Variants in ADAMTS6 observed in about 807,000 individuals in gnomAD.
ADAMTS6 encodes ADAM metallopeptidase with thrombospondin type 1 motif 6, also known as A disintegrin and metalloproteinase with thrombospondin motifs 6.
ADAMTS6 carries 23 observed loss-of-function variants against 144.3 expected under a neutral mutation model. The observed-to-expected ratio is 0.16, with a 90% CI of 0.11 to 0.23. ADAMTS6 has a LOEUF of 0.23. Among genes scored for constraint, ADAMTS6 ranks in the 10% least tolerant of loss-of-function variants. The pLI, the probability that ADAMTS6 is intolerant of heterozygous loss-of-function variation, is 1.00. For synonymous variants in ADAMTS6, 444 were observed against 457.5 expected (o/e 0.97, Z 0.38); for missense variants, 999 against 1,379.6 (o/e 0.72, Z 4.37).
In ADAMTS6 at chr5:65,475,700, A is replaced by G. The variant is rs189035055; in HGVS notation, c.-279-1748T>C. Among the ~76,000 whole-genome samples, 646 of 152,348 alleles carry G rather than the reference A, an allele frequency of 4.2e-3. 1 individual carries two copies. The highest frequency in any genetic ancestry group is 7.1e-3 in the Non-Finnish European group (481 of 68,028). ...TACAAATAGAAGAAATGCATTCCACAAAGTCTAGATAACCAGAAAAAAATG... is the reference window on the plus strand; with the variant it reads ...TACAAATAGAAGAAATGCATTCCACGAAGTCTAGATAACCAGAAAAAAATG... On this transcript the variant is annotated intron_variant, in intron 1 of 24. Transcript: ENST00000381055.
chr5:65,158,937 T>G (rs1752587674), intron 24 of ADAMTS6, among the ~76,000 whole-genome samples: 1 of 152,170 alleles, frequency 6.6e-6, no homozygotes. Flanking sequence ...TTTATTTTAT[T>G]TTTTAATCTT....
At chr5:65,180,701 A>AT (rs966248203) in intron 22 of ADAMTS6, among the ~76,000 whole-genome samples, 20 of 139,964 alleles carry the variant, frequency 1.4e-4, no homozygotes, top group African/African-American at 5.2e-4. Context: ...CTGCATTTTG[A>AT]TTTAAAAAAA....
Position 65,193,201 on chromosome 5 carries a change from G to T in ADAMTS6, c.2705+3821C>A, listed in dbSNP as rs566767090. ...TGTACCAATGAAGAAATAAAGGTTT[G>T]ACAGCTTTCTTAAATAAGATTTTCT... On this transcript the variant is annotated intron_variant, in intron 21 of 24. Coordinates refer to ENST00000381055, the MANE Select transcript of ADAMTS6 (RefSeq NM_197941.4). 5.9e-4 allele frequency among the ~76,000 whole-genome samples: 90 copies of T among 151,976 alleles called. 1 individual carries two copies. The highest frequency in any genetic ancestry group is 2.1e-3 in the African/African-American group (87 of 41,512).
intron 7 of ADAMTS6, chr5:65,415,717 G>A: frequency 4.4e-6 from 1 of 225,862 alleles, no homozygotes; most frequent in Non-Finnish European, 9.0e-6. Flanking sequence ...CAGGTTCAAG[G>A]CATTTGTTGC....
At chr5:65,288,984 G>A (rs1366350834) in intron 11 of ADAMTS6, among the ~76,000 whole-genome samples, 1 of 152,172 alleles carries the variant, frequency 6.6e-6, no homozygotes, top group African/African-American at 2.4e-5. Flanking sequence ...GTTCAGAGGT[G>A]GGAGTGATTG....
Position 65,376,307 on chromosome 5 carries a change from C to T in ADAMTS6, c.1074-42222G>A, listed in dbSNP as rs188204098. ...TAAAAATAAAAATACAATAATTAGCCGGACATGGTGGCACGCGCCTGTAGT... is the reference window on the plus strand; with the variant it reads ...TAAAAATAAAAATACAATAATTAGCTGGACATGGTGGCACGCGCCTGTAGT... On this transcript the variant is annotated intron_variant, in intron 7 of 24. Coordinates refer to ENST00000381055, the MANE Select transcript of ADAMTS6 (RefSeq NM_197941.4). Among the ~76,000 whole-genome samples, 147 of 151,930 alleles carry T rather than the reference C, an allele frequency of 9.7e-4. 2 individuals carry two copies. The highest frequency in any genetic ancestry group is 3.4e-3 in the Middle Eastern group (1 of 294).
intron 9 of ADAMTS6, 57 bp from the exon 10 acceptor site, chr5:65,300,188 T>G: frequency 6.6e-7 from 1 of 1,523,010 alleles, no homozygotes; most frequent in Non-Finnish European, 9.0e-7. Context: ...CCCCAACACA[T>G]CCCTTATTTC....
At chr5:65,274,658 T>C (rs942786213) in intron 11 of ADAMTS6, among the ~76,000 whole-genome samples, 5 of 151,936 alleles carry the variant, frequency 3.3e-5, no homozygotes, top group Non-Finnish European at 5.9e-5. Context: ...AGAGGAGATA[T>C]ATAGTGTCTA....
intron 24 of ADAMTS6, among the ~76,000 whole-genome samples, chr5:65,153,302 A>G (rs1752231659): frequency 6.6e-6 from 1 of 152,230 alleles, no homozygotes; most frequent in African/African-American, 2.4e-5. Context: ...TTACAAAGAG[A>G]TTAATAGCTA....
chr5:65,428,450 C>G (rs1438769460), intron 7 of ADAMTS6, among the ~76,000 whole-genome samples: 1 of 152,068 alleles, frequency 6.6e-6, no homozygotes, highest in Non-Finnish European at 1.5e-5. Context: ...CATTCAAACT[C>G]ATGAATATAA....
chr5:65,254,297 C>CA (rs1209824652), intron 14 of ADAMTS6, among the ~76,000 whole-genome samples: 1 of 151,874 alleles, frequency 6.6e-6, no homozygotes, highest in Non-Finnish European at 1.5e-5. Flanking sequence ...TCTCTTTCCG[C>CA]AAAATTGCAC....
chr5:65,449,781 G>C (rs919362288), intron 7 of ADAMTS6, among the ~76,000 whole-genome samples: 1 of 152,204 alleles, frequency 6.6e-6, no homozygotes, highest in Non-Finnish European at 1.5e-5. Context: ...TTGGACAGCT[G>C]AATGTTGTAG....
At chr5:65,283,969 C>T (rs919969741) in intron 11 of ADAMTS6, among the ~76,000 whole-genome samples, 1 of 152,064 alleles carries the variant, frequency 6.6e-6, no homozygotes, top group Non-Finnish European at 1.5e-5. Context: ...GCTACTCAAA[C>T]TCATTTTCTC....
intron 10 of ADAMTS6, among the ~76,000 whole-genome samples, chr5:65,296,188 T>C (rs1055902326): frequency 5.3e-5 from 8 of 152,174 alleles, no homozygotes; most frequent in African/African-American, 1.9e-4. Context: ...TAACACTTAA[T>C]GCCACCTCCT....
intron 20 of ADAMTS6, among the ~76,000 whole-genome samples, chr5:65,197,969 C>T (rs1755492606): frequency 6.6e-6 from 1 of 152,132 alleles, no homozygotes; most frequent in African/African-American, 2.4e-5. Context: ...AATATAAAGA[C>T]ACACACAAAC....
chr5:65,405,628 G>C (rs1295811259), intron 7 of ADAMTS6, among the ~76,000 whole-genome samples: 1 of 152,126 alleles, frequency 6.6e-6, no homozygotes, highest in Non-Finnish European at 1.5e-5. Flanking sequence ...TGGCAATGTG[G>C]GCTCTTTTTT....
chr5:65,223,249 A>G (rs1319793658), intron 18 of ADAMTS6, among the ~76,000 whole-genome samples: 2 of 152,146 alleles, frequency 1.3e-5, no homozygotes, highest in African/African-American at 4.8e-5. Flanking sequence ...GTACAATCTG[A>G]TGATTCAACA....
At chr5:65,360,343 G>A (rs1025414820) in intron 7 of ADAMTS6, among the ~76,000 whole-genome samples, 4 of 152,042 alleles carry the variant, frequency 2.6e-5, no homozygotes, top group Non-Finnish European at 5.9e-5. Flanking sequence ...TCACCCCCAA[G>A]ATCCAATCAC....
chr5:65,352,925 C>T (rs1031472870), intron 7 of ADAMTS6, among the ~76,000 whole-genome samples: 6 of 152,058 alleles, frequency 3.9e-5, no homozygotes, highest in South Asian at 2.1e-4. Context: ...AGAACCTAAA[C>T]GACATATGAG....
Sources: allele counts gnomAD v4.1 joint callset (sites outside exome capture counted in the v4.1 genomes callset), GRCh38; gene constraint gnomAD v4.1.1; transcripts MANE v1.5; gene names NCBI Gene and HGNC (gene_info 2026-07-23, HGNC 2026-07-21).